The following ADNP variants were observed in gnomAD, a reference collection of about 807,000 sequenced individuals.
The protein encoded by ADNP is activity dependent neuroprotector homeobox, also known as activity-dependent neuroprotector homeobox protein.
Under a neutral mutation model 84.9 loss-of-function variants are expected in ADNP, and 4 were observed. That is an observed-to-expected ratio of 0.05 (90% CI 0.02 to 0.11). The LOEUF (loss-of-function observed/expected upper bound fraction) is 0.11, where lower values mean the gene tolerates loss of function less well. Among genes scored for constraint, ADNP ranks in the 10% least tolerant of loss-of-function variants. The pLI, the probability that ADNP is intolerant of heterozygous loss-of-function variation, is 1.00. For synonymous variants in ADNP, 554 were observed against 468.1 expected, an observed-to-expected ratio of 1.18 and a Z score of -2.37; for missense variants, 1,132 against 1,326.0, an observed-to-expected ratio of 0.85 and a Z score of 2.27.
intron 4 of ADNP, among the ~76,000 whole-genome samples, chr20:50,902,654 T>C (rs1982103627): frequency 2.0e-5 from 3 of 152,224 alleles, no homozygotes; most frequent in Non-Finnish European, 4.4e-5. Flanking sequence ...AAAAATTTAA[T>C]GGTCCACTTC....
intron 1 of ADNP, among the ~76,000 whole-genome samples, chr20:50,929,806 A>G (rs890076019): frequency 1.3e-5 from 2 of 152,182 alleles, no homozygotes; most frequent in African/African-American, 4.8e-5. Flanking sequence ...GACATCATTA[A>G]CATGACAAAC....
chr20:50,911,043 T>G (rs1982978076), intron 2 of ADNP, among the ~76,000 whole-genome samples: 1 of 152,214 alleles, frequency 6.6e-6, no homozygotes, highest in Admixed American at 6.5e-5. Context: ...ATCTACTGAT[T>G]AGGGCCCAAA....
chr20:50,918,227 A>G (rs951035130), intron 2 of ADNP, among the ~76,000 whole-genome samples: 1 of 152,198 alleles, frequency 6.6e-6, no homozygotes, highest in Non-Finnish European at 1.5e-5. Context: ...GGAAGGAGAC[A>G]AAGTCTGCTT....
In ADNP at chr20:50,889,795, A is replaced by G. The variant is rs1980465479; in HGVS notation, c.*1610T>C. 3 of 398,394 alleles carry G rather than the reference A, an allele frequency of 7.5e-6. No homozygotes were observed. The highest frequency in any genetic ancestry group is 4.1e-5 in the African/African-American group (2 of 48,724). The allele number at this position is 398,394 out of a possible 1,614,324, so 24.7% of individuals were successfully genotyped here. A position where few individuals can be genotyped will look rare whatever the true frequency, so the allele number is the denominator to read the frequency against. ...TACAAGTTCTCTTGGGAATCTACGC[A>G]TGGTAAAAATACCAGCTCCTTCCAT... On this transcript the variant is annotated 3_prime_UTR_variant, in exon 6 of 6. Transcript: ENST00000621696.
At chr20:50,908,503 G>A (rs142004151) in intron 2 of ADNP, among the ~76,000 whole-genome samples, 27 of 152,274 alleles carry the variant, frequency 1.8e-4, no homozygotes, top group Non-Finnish European at 3.1e-4. Context: ...GGCTGGGCGC[G>A]GTGGCTCATG....
At chr20:50,913,748 A>G (rs1983273147) in intron 2 of ADNP, 9 of 404,584 alleles carry the variant, frequency 2.2e-5, no homozygotes, top group Admixed American at 2.0e-4. Flanking sequence ...GTGTGTCTAA[A>G]CTTATGGTCT....
Position 50,893,313 on chromosome 20 carries a change from T to C in ADNP, c.1401A>G (p.Lys467=). ...CTGGGACTTTCTCAGCTTTATGTTC[T>C]TTTTCGAAGTGCACACTATAGACAT... ...PENVYSVHFE[K]EHKAEKVPAV... is the part of the protein sequence containing the mutation. Residue 467 remains lysine (K), a synonymous_variant, in exon 6 of 6, where the codon AAA becomes AAG. Transcript: ENST00000621696. This position sits in a 1 kb window ranked among gnomAD's most constrained non-coding sequence, Gnocchi z 4.4. The C allele has an allele frequency of 6.2e-7, 1 of 1,614,234 alleles. No homozygotes were observed. Among genetic ancestry groups the C allele is most frequent in the Non-Finnish European group, 8.5e-7 (1 of 1,180,040 alleles).
intron 4 of ADNP, among the ~76,000 whole-genome samples, chr20:50,902,978 C>T (rs1982131630): frequency 1.3e-5 from 2 of 152,222 alleles, no homozygotes; most frequent in African/African-American, 2.4e-5. Context: ...CCATGCCATA[C>T]TCTTCAAGTA....
At chr20:50,920,262 CAAAAAAAAAA>C (rs56181933) in intron 2 of ADNP, among the ~76,000 whole-genome samples, 9 of 64,550 alleles carry the variant, frequency 1.4e-4, no homozygotes, top group East Asian at 9.6e-4. Context: ...ATTCCACCTC[CAAAAAAAAAA>C]AAAAAAAAAA....
At position 50,892,556 on chromosome 20, in the gene ADNP, C is replaced by G; in HGVS notation, c.2158G>C (p.Glu720Gln). Residue 720 changes from glutamate (E) to glutamine (Q), a missense_variant, in exon 6 of 6, where the codon GAG (glutamate) becomes CAG (glutamine). Physicochemically the swap from Glu to Gln is conservative, Grantham distance 29. Coordinates refer to ENST00000621696, the MANE Select transcript of ADNP (RefSeq NM_001282531.3). ...PSLAPVKRTY[E>Q]QMEFPLLKKR... is the part of the protein sequence containing the mutation. ...TTCAGTAAGGGAAATTCCATTTGCT[C>G]GTAAGTGCGCTTCACAGGTGCCAGA... 2 of 1,614,150 alleles carry G rather than the reference C, an allele frequency of 1.2e-6. No individual in the cohort carries two copies. The highest frequency in any genetic ancestry group is 1.7e-6 in the Non-Finnish European group (2 of 1,180,036).
chr20:50,929,922 C>T (rs534522670), intron 1 of ADNP, among the ~76,000 whole-genome samples: 1 of 151,936 alleles, frequency 6.6e-6, no homozygotes, highest in South Asian at 2.1e-4. Flanking sequence ...ATTAAGAAGA[C>T]TTCGTGTGTG....
rs2122847903 is a variant in ADNP, at chr20:50,904,837, C to T, written c.-77G>A. 6.6e-6 allele frequency: 1 copy of T among 152,196 alleles called. No individual in the cohort carries two copies. Among genetic ancestry groups the T allele is most frequent in the African/African-American group, 2.4e-5 (1 of 41,518 alleles). The allele number at this position is 152,196 out of a possible 1,614,324, so 9.4% of individuals were successfully genotyped here. A position where few individuals can be genotyped will look rare whatever the true frequency, so the allele number is the denominator to read the frequency against. The stretch of plus-strand genomic sequence containing the variant: ...TGTTGAATTGGAACTGTCCTGCCTA[C>T]TGCTACGGTATTCTTTAAAACAAAA... On this transcript the variant is annotated 5_prime_UTR_variant, in exon 3 of 6. Coordinates refer to ENST00000621696, the MANE Select transcript of ADNP (RefSeq NM_001282531.3).
At position 50,889,421 on chromosome 20, in the gene ADNP, A is replaced by G. The variant is rs1444640444; in HGVS notation, c.*1984T>C. 1 of 153,584 alleles carries G rather than the reference A, an allele frequency of 6.5e-6. No homozygotes were observed. Among genetic ancestry groups the G allele is most frequent in the Non-Finnish European group, 1.4e-5 (1 of 68,978 alleles). 9.5% of individuals were successfully genotyped at this position (153,584 alleles called of 1,614,324 possible). On this transcript the variant is annotated 3_prime_UTR_variant, in exon 6 of 6. Coordinates refer to ENST00000621696, the MANE Select transcript of ADNP (RefSeq NM_001282531.3). ...GTCCTAAGTTTTGGCTGGTGCATGT[A>G]GAACTTATAATCTACCTGTATAACA...
At chr20:50,922,632 T>G (rs991107527) in intron 2 of ADNP, among the ~76,000 whole-genome samples, 1 of 145,854 alleles carries the variant, frequency 6.9e-6, no homozygotes, top group Non-Finnish European at 1.5e-5. Context: ...CAGGCTGGAG[T>G]GCAGTGGTGC....
chr20:50,892,918 T>C lies in ADNP; in HGVS notation c.1796A>G (p.Glu599Gly). ...ACTTTTTACAGGGATATCTGCCTTT[T>C]CCTGAACCTTTGGCTGTGGCTTTGG... ...VPPKPQPKVQ[E>G]KADIPVKSSP... Residue 599 changes from glutamate (E) to glycine (G), a missense_variant, in exon 6 of 6, where the codon GAA becomes GGA. Physicochemically the swap from Glu to Gly is moderately conservative, Grantham distance 98 (BLOSUM62 -2). Around this residue, in one of 10 missense-constraint regions of ADNP, gnomAD observed 53 missense variants for 39.8 expected, o/e 1.33. Transcript: ENST00000621696. 1 of 1,614,268 alleles carries C rather than the reference T, an allele frequency of 6.2e-7. No individual in the cohort carries two copies. Among genetic ancestry groups the C allele is most frequent in the Non-Finnish European group, 8.5e-7 (1 of 1,180,058 alleles).
At chr20:50,917,696 T>C (rs1401139246) in intron 2 of ADNP, among the ~76,000 whole-genome samples, 1 of 152,046 alleles carries the variant, frequency 6.6e-6, no homozygotes, top group Non-Finnish European at 1.5e-5. Flanking sequence ...GGGAGAACAG[T>C]AAAAGTCCAA....
intron 5 of ADNP, among the ~76,000 whole-genome samples, chr20:50,899,571 G>C (rs1981755879): frequency 6.6e-6 from 1 of 152,034 alleles, no homozygotes; most frequent in Non-Finnish European, 1.5e-5. Flanking sequence ...TTAAAAAAAA[G>C]TTAACTCTAA....
intron 2 of ADNP, among the ~76,000 whole-genome samples, chr20:50,920,695 C>G (rs1166790361): frequency 6.6e-6 from 1 of 152,038 alleles, no homozygotes; most frequent in African/African-American, 2.4e-5. Flanking sequence ...CCATCACTGC[C>G]TTAGGTATGA....
intron 5 of ADNP, among the ~76,000 whole-genome samples, chr20:50,898,448 TTG>T (rs774243454): frequency 1.3e-5 from 2 of 152,180 alleles, no homozygotes; most frequent in Non-Finnish European, 2.9e-5. Flanking sequence ...CATCAGAAGC[TTG>T]TGTGTGTCTG....
Sources: allele counts gnomAD v4.1 joint callset (sites outside exome capture counted in the v4.1 genomes callset), GRCh38; gene constraint gnomAD v4.1.1; regional missense constraint gnomAD v4.1.1; non-coding constraint Gnocchi (gnomAD v3.1); transcripts MANE v1.5; gene names NCBI Gene and HGNC (gene_info 2026-07-23, HGNC 2026-07-21).